Variants in ZNF791 observed in about 807,000 individuals in gnomAD.
ZNF791 encodes the protein zinc finger protein 791.
In ZNF791, 4 loss-of-function variants were observed where a neutral mutation model predicts 11.5. The ratio of observed to expected loss-of-function variants is 0.35; its 90% CI spans 0.17 to 0.80. The LOEUF (loss-of-function observed/expected upper bound fraction) is 0.80, where lower values mean the gene tolerates loss of function less well. Ranked by LOEUF, ZNF791 falls within the 30% of genes least tolerant of loss-of-function variation. The probability of loss-of-function intolerance (pLI) is 0.53; values close to 1 mark genes in which losing one functional copy is unlikely to be tolerated. For missense variants in ZNF791, 559 were observed against 699.4 expected (o/e 0.80, Z 2.26); for synonymous variants, 212 against 228.1 (o/e 0.93, Z 0.64).
intron 1 of ZNF791, among the ~76,000 whole-genome samples, chr19:12,616,640 C>A (rs2023248005): frequency 6.6e-6 from 1 of 152,032 alleles, no homozygotes; most frequent in African/African-American, 2.4e-5. Context: ...TTGCAGTGAG[C>A]CGAGATTGCA....
At chr19:12,620,834 C>A (rs1388217166) in intron 1 of ZNF791, among the ~76,000 whole-genome samples, 1 of 142,804 alleles carries the variant, frequency 7.0e-6, no homozygotes, top group Non-Finnish European at 1.5e-5. Flanking sequence ...GATCTTGGCT[C>A]ACTGCAACCT....
chr19:12,618,307 G>GT (rs957108996), intron 1 of ZNF791, among the ~76,000 whole-genome samples: 2 of 151,970 alleles, frequency 1.3e-5, no homozygotes, highest in African/African-American at 4.8e-5. Flanking sequence ...CACTTAAAGG[G>GT]TTTTTTGGAG....
At chr19:12,625,799 A>G (rs1407419533) in intron 3 of ZNF791, among the ~76,000 whole-genome samples, 2 of 138,164 alleles carry the variant, frequency 1.4e-5, no homozygotes, top group Non-Finnish European at 3.3e-5. Flanking sequence ...AAAAAAAAAA[A>G]GAAGAAGAAG....
intron 1 of ZNF791, among the ~76,000 whole-genome samples, chr19:12,621,012 C>T (rs923231449): frequency 6.6e-5 from 10 of 151,968 alleles, no homozygotes; most frequent in South Asian, 2.1e-4. Context: ...CCACCTGCCT[C>T]GGCCTCCCAC....
In ZNF791 at chr19:12,628,609, ATG is replaced by A; in HGVS notation, c.1083_1084del (p.Cys361TrpfsTer5). 1 of 1,604,596 alleles carries A rather than the reference ATG, an allele frequency of 6.2e-7. No homozygotes were observed. Among genetic ancestry groups the A allele is most frequent in the Non-Finnish European group, 8.5e-7 (1 of 1,175,836 alleles). Reference sequence around the variant, plus strand: ...GAGAGAAACCCTATAAGTGTAAAGAATGTGGGAAAGCCTTTAGTAGAATCAGT... The same window carrying A: ...GAGAGAAACCCTATAAGTGTAAAGAATGGGAAAGCCTTTAGTAGAATCAGT... ...TGEKPYKCKE[C>X]GKAFSRISYF... On this transcript the variant is annotated frameshift_variant, in exon 4 of 4. Coordinates refer to ENST00000343325, the MANE Select transcript of ZNF791 (RefSeq NM_153358.3). LOFTEE classifies it low-confidence loss of function (END_TRUNC).
rs1010716161 is a variant in ZNF791, at chr19:12,620,191, C to A, written c.4-3509C>A. ...GTGCTGGGATTACAGGTGTGAGCCA[C>A]CGCACCTGGCCTGTCTTTATTTATT... is the stretch of plus-strand genomic sequence containing the variant. On this transcript the variant is annotated intron_variant, in intron 1 of 3. Coordinates refer to ENST00000343325, the MANE Select transcript of ZNF791 (RefSeq NM_153358.3). Among the ~76,000 whole-genome samples the A allele has an allele frequency of 2.0e-5, 3 of 151,642 alleles. No homozygotes were observed. The East Asian group carries it at 5.8e-4, about 29-fold the overall frequency.
chr19:12,620,754 C>CT (rs1051381342), intron 1 of ZNF791, among the ~76,000 whole-genome samples: 1,958 of 83,378 alleles, frequency 0.023, 188 homozygotes, highest in African/African-American at 0.072. Flanking sequence ...GATTTATGTT[C>CT]TTTTTTTTTT....
At chr19:12,623,855 CTTTT>C (rs66469937) in intron 2 of ZNF791, 29 bp downstream of exon 2, 286 of 508,910 alleles carry the variant, frequency 5.6e-4, no homozygotes, top group East Asian at 7.1e-4. Flanking sequence ...TTTCTTTTTT[CTTTT>C]TTTTTTTTTT....
rs565046117 is a variant in ZNF791 at position 12,625,678 on chromosome 19, A to G, written c.191+968A>G. ...CACACACCTGTCATCCCAGCTACTC[A>G]GGAGGCTGAGGCAGGAGAATCACTT... On this transcript the variant is annotated intron_variant, in intron 3 of 3. Transcript: ENST00000343325. Among the ~76,000 whole-genome samples, 27 of 149,118 alleles carry G rather than the reference A, an allele frequency of 1.8e-4. No homozygotes were observed. The South Asian group carries it at 5.2e-3, about 29-fold the overall frequency.
In ZNF791 at chr19:12,614,892, C is replaced by CTTTTTTTTTTTTTTTTTTTTTTTTTT. The variant is rs57575424; in HGVS notation, c.3+3820_3+3845dup. Among the ~76,000 whole-genome samples, 8 of 17,566 alleles carry CTTTTTTTTTTTTTTTTTTTTTTTTTT rather than the reference C, an allele frequency of 4.6e-4. 2 individuals are homozygous for CTTTTTTTTTTTTTTTTTTTTTTTTTT. The highest frequency in any genetic ancestry group is 2.4e-3 in the Admixed American group (2 of 826). The allele number at this position is 17,566 out of a possible 152,430, so 11.5% of individuals were successfully genotyped here. ...ACAGGTGTGAGCCACTGCGTCCGGC[C>CTTTTTTTTTTTTTTTTTTTTTTTTTT]TTTTTTTTTTTTTTTTTTTTTTTTT... On this transcript the variant is annotated intron_variant, in intron 1 of 3. Transcript: ENST00000343325.
In ZNF791 at chr19:12,615,061, C is replaced by T. The variant is rs367671910; in HGVS notation, c.3+3979C>T. Among the ~76,000 whole-genome samples the T allele has an allele frequency of 5.8e-4, 79 of 136,904 alleles. No homozygotes were observed. In the East Asian group the frequency reaches 7.6e-3, roughly 13 times the overall value. The allele number at this position is 136,904 out of a possible 152,430, so 89.8% of individuals were successfully genotyped here. A position where few individuals can be genotyped will look rare whatever the true frequency, so the allele number is the denominator to read the frequency against. ...TTGAGACAGGGTCCCACTCCGTCGCCCAGGCTGGAGTGCAGTGATGTGATC... is the reference window on the plus strand; with the variant it reads ...TTGAGACAGGGTCCCACTCCGTCGCTCAGGCTGGAGTGCAGTGATGTGATC... On this transcript the variant is annotated intron_variant, in intron 1 of 3. Coordinates refer to ENST00000343325, the MANE Select transcript of ZNF791 (RefSeq NM_153358.3).
intron 1 of ZNF791, among the ~76,000 whole-genome samples, chr19:12,611,766 C>T (rs537899860): frequency 6.6e-6 from 1 of 152,300 alleles, no homozygotes; most frequent in East Asian, 1.9e-4. Context: ...GCACAGACAT[C>T]CTATGGGAAC....
chr19:12,614,929 A>ATTTTTTTTTTTTTT (rs2023222339), intron 1 of ZNF791, among the ~76,000 whole-genome samples: 1 of 8,094 alleles, frequency 1.2e-4, no homozygotes, highest in Non-Finnish European at 3.8e-4. Context: ...TTTTTTTTTG[A>ATTTTTTTTTTTTTT]TACAGCGTCT....
rs773399142 is a variant in ZNF791 at position 12,628,773 on chromosome 19, A to G, written c.1244A>G (p.Lys415Arg). 2 of 1,613,878 alleles carry G rather than the reference A, an allele frequency of 1.2e-6. No individual in the cohort carries two copies. Among genetic ancestry groups the G allele is most frequent in the Admixed American group, 1.7e-5 (1 of 59,958 alleles). Residue 415 changes from lysine to arginine, a missense_variant, in exon 4 of 4, where the codon AAG becomes AGG. Coordinates refer to ENST00000343325, the MANE Select transcript of ZNF791 (RefSeq NM_153358.3). ...NHTGEKPYEC[K>R]ECAKTFISLE... Reference sequence around the variant, plus strand: ...ACTGGAGAAAAACCCTATGAGTGTAAGGAATGTGCAAAAACCTTCATTTCT... The same window carrying G: ...ACTGGAGAAAAACCCTATGAGTGTAGGGAATGTGCAAAAACCTTCATTTCT...
chr19:12,614,893 T>G (rs1262812520), intron 1 of ZNF791, among the ~76,000 whole-genome samples: 65 of 66,354 alleles, frequency 9.8e-4, no homozygotes, highest in Middle Eastern at 5.9e-3. Flanking sequence ...GCGTCCGGCC[T>G]TTTTTTTTTT....
chr19:12,629,047 TTATC>T lies in ZNF791; in HGVS notation c.1519_1522del (p.Tyr507ProfsTer8). On this transcript the variant is annotated frameshift_variant, in exon 4 of 4. Transcript: ENST00000343325. LOFTEE classifies it low-confidence loss of function (END_TRUNC). ...GTAAGGAATGCGGGAAGGCCTTTAT[TTATC>T]CCACAAGCTTTCAAGGACACATGAG... 3 of 1,611,816 alleles carry T rather than the reference TTATC, an allele frequency of 1.9e-6. No individual in the cohort carries two copies. Among genetic ancestry groups the T allele is most frequent in the Non-Finnish European group, 2.5e-6 (3 of 1,179,202 alleles).
intron 1 of ZNF791, among the ~76,000 whole-genome samples, chr19:12,613,420 AAAT>A (rs1489692425): frequency 1.3e-5 from 2 of 152,016 alleles, no homozygotes; most frequent in Non-Finnish European, 2.9e-5. Context: ...TCTCTACTAA[AAAT>A]ACAAAAAATT....
At chr19:12,615,830 C>T (rs1157707638) in intron 1 of ZNF791, among the ~76,000 whole-genome samples, 3 of 151,540 alleles carry the variant, frequency 2.0e-5, no homozygotes. Flanking sequence ...ATCCATAAAC[C>T]TGTTGCATGA....
At chr19:12,625,214 G>A (rs967685105) in intron 3 of ZNF791, among the ~76,000 whole-genome samples, 20 of 151,268 alleles carry the variant, frequency 1.3e-4, no homozygotes, top group Admixed American at 7.3e-4. Context: ...TCCACCTCCC[G>A]GGATCAAGTG....
Sources: allele counts gnomAD v4.1 joint callset (sites outside exome capture counted in the v4.1 genomes callset), GRCh38; gene constraint gnomAD v4.1.1; transcripts MANE v1.5; gene names NCBI Gene and HGNC (gene_info 2026-07-23, HGNC 2026-07-21).